GDAP1: variants seen among roughly 807,000 people sequenced by gnomAD.
The protein encoded by GDAP1 is ganglioside-induced differentiation-associated protein 1.
In GDAP1, 34 loss-of-function variants were observed where a neutral mutation model predicts 40.1. The observed-to-expected ratio is 0.85, with a 90% CI of 0.64 to 1.13. GDAP1 has a LOEUF of 1.13. Among genes scored for constraint, GDAP1 ranks in the 50% most tolerant of loss-of-function variants. The pLI is 0.00. For synonymous variants in GDAP1, 170 were observed against 157.4 expected (o/e 1.08, Z -0.60); for missense variants, 374 against 433.7 (o/e 0.86, Z 1.22).
intron 2 of GDAP1, among the ~76,000 whole-genome samples, chr8:74,442,031 G>T (rs941346023): frequency 6.6e-6 from 1 of 152,092 alleles, no homozygotes; most frequent in Non-Finnish European, 1.5e-5. Context: ...CTTCATGCTC[G>T]TGGCCAGGGC....
intron 2 of GDAP1, among the ~76,000 whole-genome samples, chr8:74,448,146 TTA>T (rs987582977): frequency 5.9e-5 from 9 of 152,326 alleles, no homozygotes; most frequent in Non-Finnish European, 1.0e-4. Context: ...TTCCTTCACC[TTA>T]GAAATTTCTC....
intron 2 of GDAP1, among the ~76,000 whole-genome samples, chr8:74,381,109 G>T (rs995993996): frequency 6.6e-6 from 1 of 151,732 alleles, no homozygotes. Context: ...TGTGTGTGTG[G>T]TGATGATAAA....
Position 74,366,659 on chromosome 8 carries a change from A to G in GDAP1, c.*2292A>G, listed in dbSNP as rs1326389580. On this transcript the variant is annotated 3_prime_UTR_variant, in exon 6 of 6. Transcript: ENST00000220822. ...AGTTATGTTGGCTTTTTGTGTCTTA[A>G]CACACATAAATACTATTGTTATTGC... is the stretch of plus-strand genomic sequence containing the variant. The G allele has an allele frequency of 2.2e-6, 1 of 453,846 alleles. No homozygotes were observed. Among genetic ancestry groups the G allele is most frequent in the East Asian group, 6.9e-5 (1 of 14,396 alleles). The allele number at this position is 453,846 out of a possible 1,614,324, so 28.1% of individuals were successfully genotyped here. A position where few individuals can be genotyped will look rare whatever the true frequency, so the allele number is the denominator to read the frequency against.
intron 2 of GDAP1, among the ~76,000 whole-genome samples, chr8:74,461,208 A>G (rs1806396402): frequency 6.6e-6 from 1 of 152,200 alleles, no homozygotes; most frequent in South Asian, 2.1e-4. Context: ...GAGGATAGGC[A>G]CAGGAGCATG....
At chr8:74,353,958 C>T (rs886717489) in intron 2 of GDAP1, among the ~76,000 whole-genome samples, 2 of 152,054 alleles carry the variant, frequency 1.3e-5, no homozygotes, top group South Asian at 4.2e-4. Context: ...CCTAACACTT[C>T]TAAAAAACTG....
chr8:74,351,692 A>G (rs1301374699), intron 2 of GDAP1, among the ~76,000 whole-genome samples: 1 of 149,506 alleles, frequency 6.7e-6, no homozygotes, highest in East Asian at 2.0e-4. Flanking sequence ...GCAAAATACA[A>G]ATGTTAATGT....
intron 2 of GDAP1, among the ~76,000 whole-genome samples, chr8:74,404,491 T>C (rs1436429081): frequency 6.7e-6 from 1 of 149,712 alleles, no homozygotes; most frequent in Non-Finnish European, 1.5e-5. Context: ...TAAGTTATTC[T>C]CATTTTAAGA....
chr8:74,488,235 T>C (rs998064855), intron 2 of GDAP1, among the ~76,000 whole-genome samples: 1 of 152,180 alleles, frequency 6.6e-6, no homozygotes, highest in African/African-American at 2.4e-5. Context: ...TAGTTAACAA[T>C]CAGAATATAT....
At chr8:74,479,986 CTTTT>C (rs71271807) in intron 2 of GDAP1, among the ~76,000 whole-genome samples, 4 of 102,928 alleles carry the variant, frequency 3.9e-5, no homozygotes, top group Non-Finnish European at 1.9e-5. Flanking sequence ...AATGGACTCT[CTTTT>C]TTTTTTTTTT....
chr8:74,361,246 C>A (rs909322977), intron 3 of GDAP1, among the ~76,000 whole-genome samples: 1 of 151,972 alleles, frequency 6.6e-6, no homozygotes, highest in East Asian at 1.9e-4. Flanking sequence ...CTTTTTCCTC[C>A]CTTCATATAG....
intron 2 of GDAP1, among the ~76,000 whole-genome samples, chr8:74,392,288 T>A (rs1810122575): frequency 6.6e-6 from 1 of 152,244 alleles, no homozygotes; most frequent in East Asian, 1.9e-4. Context: ...GTTTTATCAA[T>A]GTGATATTTA....
chr8:74,446,218 C>T (rs1215203312), intron 2 of GDAP1, among the ~76,000 whole-genome samples: 1 of 152,008 alleles, frequency 6.6e-6, no homozygotes, highest in East Asian at 1.9e-4. Flanking sequence ...ATTCCTTTTT[C>T]CTTCATACTT....
Position 74,452,090 on chromosome 8 carries a change from C to T in GDAP1, c.166-36588C>T, listed in dbSNP as rs1806300133. ...ACAGCCTCCCAAGTAGCTGGGACTACAGGCGCCCGCCACCACACCCGGCTA... is the reference window on the plus strand; with the variant it reads ...ACAGCCTCCCAAGTAGCTGGGACTATAGGCGCCCGCCACCACACCCGGCTA... On this transcript the variant is annotated intron_variant, in intron 2 of 2. Transcript: ENST00000523640. Among the ~76,000 whole-genome samples the T allele has an allele frequency of 2.5e-5, 2 of 81,002 alleles. 1 individual carries two copies. The highest frequency in any genetic ancestry group is 2.5e-4 in the Admixed American group (2 of 7,952). 53.1% of individuals were successfully genotyped at this position (81,002 alleles called of 152,430 possible). A position where few individuals can be genotyped will look rare whatever the true frequency, so the allele number is the denominator to read the frequency against.
At chr8:74,377,898 G>A (rs891151581) in intron 2 of GDAP1, among the ~76,000 whole-genome samples, 1 of 152,178 alleles carries the variant, frequency 6.6e-6, no homozygotes, top group Non-Finnish European at 1.5e-5. Flanking sequence ...GTGGATGAAT[G>A]AACAAACTGT....
At chr8:74,351,078 T>A (rs551014848) in intron 1 of GDAP1, among the ~76,000 whole-genome samples, 196 bp from the exon 2 acceptor site, 2 of 152,314 alleles carry the variant, frequency 1.3e-5, no homozygotes, top group East Asian at 3.9e-4. Context: ...TTTCATTACT[T>A]ATTTTGTGTT....
At chr8:74,434,446 G>A (rs112194720) in intron 2 of GDAP1, among the ~76,000 whole-genome samples, 3,376 of 152,176 alleles carry the variant, frequency 0.022, 79 homozygotes, top group Non-Finnish European at 0.027. Context: ...TAAAATGAAG[G>A]TACTGAATTG....
At chr8:74,390,649 A>G (rs1810094393) in intron 2 of GDAP1, among the ~76,000 whole-genome samples, 1 of 152,180 alleles carries the variant, frequency 6.6e-6, no homozygotes, top group Non-Finnish European at 1.5e-5. Context: ...GCCAGTCAGA[A>G]GGCATGGGGA....
At position 74,365,235 on chromosome 8, in the gene GDAP1, G is replaced by A. The variant is rs1413780033; in HGVS notation, c.*868G>A. 3.7e-5 allele frequency: 17 copies of A among 453,978 alleles called. No individual in the cohort carries two copies. The highest frequency in any genetic ancestry group is 3.3e-4 in the Admixed American group (14 of 42,558). The allele number at this position is 453,978 out of a possible 1,614,324, so 28.1% of individuals were successfully genotyped here. ...ATATGTTCATTCTTCGTTTGGGGAG[G>A]CTGGTCTGTAAACACAAAAATTGTT... On this transcript the variant is annotated 3_prime_UTR_variant, in exon 6 of 6. Coordinates refer to ENST00000220822, the MANE Select transcript of GDAP1 (RefSeq NM_018972.4).
At chr8:74,481,490 A>G (rs539347835) in intron 2 of GDAP1, among the ~76,000 whole-genome samples, 2 of 152,238 alleles carry the variant, frequency 1.3e-5, no homozygotes, top group Non-Finnish European at 2.9e-5. Context: ...TCCTATAACT[A>G]AAAATAAGAC....
Sources: gnomAD v4.1 joint callset for allele counts (sites outside exome capture counted in the v4.1 genomes callset) on GRCh38, gnomAD v4.1.1 for gene constraint, MANE v1.5 for transcripts, NCBI Gene and HGNC (gene_info 2026-07-23, HGNC 2026-07-21) for gene names.